GRIK1: variants seen among roughly 807,000 people sequenced by gnomAD.
GRIK1 encodes the protein glutamate receptor ionotropic, kainate 1.
A neutral mutation model predicts 105.7 loss-of-function variants in GRIK1; 69 were observed. The ratio of observed to expected loss-of-function variants is 0.65; its 90% CI spans 0.54 to 0.80. GRIK1 has a LOEUF of 0.80. Among genes scored for constraint, GRIK1 ranks in the 30% least tolerant of loss-of-function variants. The pLI is 0.00. For missense variants in GRIK1, 1,109 were observed against 1,167.3 expected, an observed-to-expected ratio of 0.95 and a Z score of 0.73; for synonymous variants, 438 against 431.3, an observed-to-expected ratio of 1.02 and a Z score of -0.19.
chr21:29,747,938 A>G (rs2065087373), intron 1 of GRIK1, among the ~76,000 whole-genome samples: 2 of 152,254 alleles, frequency 1.3e-5, no homozygotes, highest in Admixed American at 6.5e-5. Context: ...CACAATTTAC[A>G]GCAACCTTTT....
At chr21:29,720,684 C>G (rs1441504888) in intron 1 of GRIK1, among the ~76,000 whole-genome samples, 1 of 152,154 alleles carries the variant, frequency 6.6e-6, no homozygotes, top group Non-Finnish European at 1.5e-5. Context: ...CACTCTTACT[C>G]AGCTTCGATC....
In GRIK1 at chr21:29,561,618, T is replaced by C; in HGVS notation, c.2356+6A>G. The stretch of plus-strand genomic sequence containing the variant: ...CTCAGTCTTGGTTCATGTCTACCCG[T>C]CTTACCAATAGGTGTTCCCACTCCG... On this transcript the variant is annotated splice_donor_region_variant and intron_variant, in intron 15 of 17. Coordinates refer to ENST00000327783, the MANE Select transcript of GRIK1 (RefSeq NM_001330994.2). 1 of 1,568,740 alleles carries C rather than the reference T, an allele frequency of 6.4e-7. No individual in the cohort carries two copies. The highest frequency in any genetic ancestry group is 8.8e-7 in the Non-Finnish European group (1 of 1,138,668).
At chr21:29,886,328 A>G (rs2069627278) in intron 1 of GRIK1, among the ~76,000 whole-genome samples, 1 of 152,060 alleles carries the variant, frequency 6.6e-6, no homozygotes, top group Non-Finnish European at 1.5e-5. Context: ...TTTCAGGCTG[A>G]CTTTGTTCTG....
intron 16 of GRIK1, among the ~76,000 whole-genome samples, chr21:29,539,503 G>T (rs540394058): frequency 6.6e-6 from 1 of 152,124 alleles, no homozygotes; most frequent in Admixed American, 6.5e-5. Context: ...TATCACTTCC[G>T]TTCCACTGCA....
At chr21:29,721,265 AGGAT>A (rs2064314382) in intron 1 of GRIK1, among the ~76,000 whole-genome samples, 1 of 152,122 alleles carries the variant, frequency 6.6e-6, no homozygotes, top group Non-Finnish European at 1.5e-5. Context: ...GAACCCTCCG[AGGAT>A]AGATGGAAGG....
At chr21:29,837,205 C>A (rs565958070) in intron 1 of GRIK1, among the ~76,000 whole-genome samples, 19 of 152,240 alleles carry the variant, frequency 1.2e-4, no homozygotes, top group Admixed American at 9.8e-4. Flanking sequence ...ATCTCTCTCT[C>A]CTACAAGGAG....
chr21:29,770,181 T>C (rs1223307915), intron 1 of GRIK1, among the ~76,000 whole-genome samples: 1 of 152,158 alleles, frequency 6.6e-6, no homozygotes, highest in Non-Finnish European at 1.5e-5. Context: ...ACAACTCGCG[T>C]TTTAAATTTA....
intron 1 of GRIK1, among the ~76,000 whole-genome samples, chr21:29,899,387 G>A (rs866055887): frequency 6.6e-6 from 1 of 152,168 alleles, no homozygotes; most frequent in Non-Finnish European, 1.5e-5. Flanking sequence ...TGCCTATGCA[G>A]GTTTGTCTGA....
rs115050616 is a variant in GRIK1 at position 29,595,839 on chromosome 21, A to T, written c.1251+687T>A. ...TTTTTAATGTCTCATATTTGCTTAC[A>T]TAAATCTATGCACATTCATTGGCAA... On this transcript the variant is annotated intron_variant, in intron 9 of 17. Coordinates refer to ENST00000327783, the MANE Select transcript of GRIK1 (RefSeq NM_001330994.2). 6.5e-4 allele frequency among the ~76,000 whole-genome samples: 99 copies of T among 152,346 alleles called. 1 individual carries two copies. Among genetic ancestry groups the T allele is most frequent in the African/African-American group, 2.2e-3 (93 of 41,588 alleles).
chr21:29,877,168 C>T (rs1355774724), intron 1 of GRIK1, among the ~76,000 whole-genome samples: 2 of 152,044 alleles, frequency 1.3e-5, no homozygotes, highest in East Asian at 1.9e-4. Flanking sequence ...TGTCTTTCTC[C>T]TCTAGGGCCT....
chr21:29,698,799 G>T (rs1443652288), intron 1 of GRIK1, among the ~76,000 whole-genome samples: 2 of 152,134 alleles, frequency 1.3e-5, no homozygotes, highest in Non-Finnish European at 2.9e-5. Context: ...GAAGCAAAGG[G>T]TTGGAAAGTG....
At chr21:29,567,839 A>G (rs2090646559) in intron 14 of GRIK1, among the ~76,000 whole-genome samples, 1 of 152,220 alleles carries the variant, frequency 6.6e-6, no homozygotes, top group Non-Finnish European at 1.5e-5. Flanking sequence ...TTTTGAAAAT[A>G]TGATTTAATT....
intron 1 of GRIK1, among the ~76,000 whole-genome samples, chr21:29,838,157 G>T (rs902429376): frequency 2.6e-5 from 4 of 152,104 alleles, no homozygotes; most frequent in African/African-American, 9.7e-5. Flanking sequence ...AGCTCATTGG[G>T]TCCATAATAG....
intron 1 of GRIK1, among the ~76,000 whole-genome samples, chr21:29,855,228 A>T (rs538408654): frequency 6.6e-6 from 1 of 152,226 alleles, no homozygotes; most frequent in African/African-American, 2.4e-5. Flanking sequence ...GCCCATTGAG[A>T]TATTTTATTA....
intron 4 of GRIK1, among the ~76,000 whole-genome samples, chr21:29,668,971 A>T (rs1317691956): frequency 2.0e-5 from 3 of 152,158 alleles, no homozygotes; most frequent in Non-Finnish European, 4.4e-5. Context: ...GTGGGTGGGT[A>T]AGTTGGGGAG....
intron 1 of GRIK1, among the ~76,000 whole-genome samples, chr21:29,824,066 G>C (rs188475094): frequency 3.7e-4 from 56 of 152,050 alleles, no homozygotes; most frequent in African/African-American, 1.3e-3. Flanking sequence ...AATTTCTCTG[G>C]TGAGGGGTGG....
intron 1 of GRIK1, among the ~76,000 whole-genome samples, chr21:29,723,126 G>A (rs1285934568): frequency 1.3e-5 from 2 of 152,282 alleles, no homozygotes; most frequent in South Asian, 4.1e-4. Context: ...ACCAGCCTGG[G>A]CAACACAGGG....
intron 1 of GRIK1, among the ~76,000 whole-genome samples, chr21:29,828,437 T>A (rs1016590330): frequency 7.0e-6 from 1 of 143,654 alleles, no homozygotes; most frequent in African/African-American, 2.6e-5. Flanking sequence ...GCCTTGATAT[T>A]ATTTGACACT....
At chr21:29,681,458 C>T (rs1276025868) in intron 3 of GRIK1, among the ~76,000 whole-genome samples, 1 of 152,196 alleles carries the variant, frequency 6.6e-6, no homozygotes, top group Non-Finnish European at 1.5e-5. Flanking sequence ...AGGTACCAGG[C>T]ACACTCTCAC....
Sources: allele counts gnomAD v4.1 joint callset (sites outside exome capture counted in the v4.1 genomes callset), GRCh38; gene constraint gnomAD v4.1.1; transcripts MANE v1.5; gene names NCBI Gene and HGNC (gene_info 2026-07-23, HGNC 2026-07-21).